Variants in DSCAML1 observed in about 807,000 individuals in gnomAD.
DSCAML1 encodes the protein cell adhesion molecule DSCAML1.
Under a neutral mutation model 200.5 loss-of-function variants are expected in DSCAML1, and 38 were observed. The observed-to-expected ratio is 0.19, with a 90% CI of 0.15 to 0.25. The LOEUF (loss-of-function observed/expected upper bound fraction) is 0.25. Among genes scored for constraint, DSCAML1 ranks in the 10% least tolerant of loss-of-function variants. The pLI, the probability that DSCAML1 is intolerant of heterozygous loss-of-function variation, is 1.00. For missense variants in DSCAML1, 2,223 were observed against 2,858.8 expected (o/e 0.78, Z 5.07); for synonymous variants, 1,215 against 1,165.0 (o/e 1.04, Z -0.87).
intron 3 of DSCAML1, among the ~76,000 whole-genome samples, chr11:117,558,237 C>T (rs944472755): frequency 2.6e-5 from 4 of 152,096 alleles, no homozygotes; most frequent in Non-Finnish European, 2.9e-5. Context: ...ACAGGCACCA[C>T]AGATCCATGA....
At position 117,769,538 on chromosome 11, in the gene DSCAML1, A is replaced by T. The variant is rs377625050; in HGVS notation, c.511+7253T>A. ...TATATATTATATATATTTTATATAT[A>T]TTATATATTTTATATATATATTTTA... On this transcript the variant is annotated intron_variant, in intron 3 of 32. Transcript: ENST00000651296. 9.2e-4 allele frequency among the ~76,000 whole-genome samples: 17 copies of T among 18,448 alleles called. 1 individual carries two copies. Among genetic ancestry groups the T allele is most frequent in the East Asian group, 6.7e-3 (4 of 598 alleles). The allele number at this position is 18,448 out of a possible 152,430, so 12.1% of individuals were successfully genotyped here.
chr11:117,735,590 A>G (rs1005910726), intron 3 of DSCAML1, among the ~76,000 whole-genome samples: 1 of 152,212 alleles, frequency 6.6e-6, no homozygotes. Context: ...CTCCATAGAA[A>G]GAGAGGGAAA....
chr11:117,448,634 T>TG (rs1288916224), intron 20 of DSCAML1, among the ~76,000 whole-genome samples: 33 of 65,132 alleles, frequency 5.1e-4, no homozygotes, highest in African/African-American at 1.3e-3. Context: ...TGTGTGTGTG[T>TG]GTGTGGGGGG....
intron 3 of DSCAML1, among the ~76,000 whole-genome samples, chr11:117,675,276 A>G (rs184659408): frequency 8.5e-5 from 13 of 152,094 alleles, no homozygotes; most frequent in Admixed American, 2.0e-4. Context: ...AACATTTTCA[A>G]ACATACCACA....
chr11:117,509,590 G>C (rs1033073646), intron 8 of DSCAML1, among the ~76,000 whole-genome samples: 1 of 152,194 alleles, frequency 6.6e-6, no homozygotes, highest in Non-Finnish European at 1.5e-5. Flanking sequence ...AGCCTGGAGG[G>C]GGAAGAGAGC....
Position 117,498,902 on chromosome 11 carries a change from C to T in DSCAML1, c.2359+4943G>A, listed in dbSNP as rs1297680213. 1.3e-5 allele frequency among the ~76,000 whole-genome samples: 2 copies of T among 152,218 alleles called. No individual in the cohort carries two copies. Among genetic ancestry groups the T allele is most frequent in the African/African-American group, 2.4e-5 (1 of 41,456 alleles). ...AAGAGCCCTTATGGGTTTAATTGGC[C>T]ATGGGCTTTGTCTAGAACCCAATCA... On this transcript the variant is annotated intron_variant, in intron 11 of 32. Transcript: ENST00000651296. This position sits in a 1 kb window ranked among gnomAD's most constrained non-coding sequence, Gnocchi z 4.0.
rs539020634 is a variant in DSCAML1, at chr11:117,494,212, C to A, written c.2359+9633G>T. 7.9e-4 allele frequency among the ~76,000 whole-genome samples: 120 copies of A among 152,294 alleles called. 1 individual carries two copies. Among genetic ancestry groups the A allele is most frequent in the African/African-American group, 2.4e-3 (99 of 41,560 alleles). The stretch of plus-strand genomic sequence containing the variant: ...TACTTCCAGGTCATTGCTGTGAATA[C>A]CCTAGAGCTGTAAAGGGCCTGAAGT... On this transcript the variant is annotated intron_variant, in intron 11 of 32. Transcript: ENST00000651296.
chr11:117,811,798 C>T (rs1447442773), intron 1 of DSCAML1, among the ~76,000 whole-genome samples: 1 of 152,160 alleles, frequency 6.6e-6, no homozygotes, highest in African/African-American at 2.4e-5. Flanking sequence ...GGATGCCGAG[C>T]TTTAAGTAAC....
intron 3 of DSCAML1, among the ~76,000 whole-genome samples, chr11:117,571,969 T>G (rs491300): frequency 0.21 from 32,326 of 152,114 alleles, 3,476 homozygotes; most frequent in South Asian, 0.33. Context: ...TCCAATGCCA[T>G]GGCAACGTCA....
intron 3 of DSCAML1, among the ~76,000 whole-genome samples, chr11:117,560,035 C>G (rs4936386): frequency 4.0e-5 from 6 of 151,438 alleles, no homozygotes; most frequent in Admixed American, 3.9e-4. Flanking sequence ...TAGACAGGCC[C>G]GGCTGCTGGG....
intron 3 of DSCAML1, among the ~76,000 whole-genome samples, chr11:117,650,647 T>C (rs1160101236): frequency 6.7e-6 from 1 of 149,902 alleles, no homozygotes; most frequent in East Asian, 2.0e-4. Context: ...AGTCATTCTG[T>C]TTAAAGTGTG....
chr11:117,439,118 C>A (rs1436132465), intron 23 of DSCAML1, 135 bp from the exon 24 acceptor site: 1 of 1,353,866 alleles, frequency 7.4e-7, no homozygotes. Context: ...TCTCCTGCCT[C>A]CCCTTCCATG....
chr11:117,677,812 C>G (rs571452956), intron 3 of DSCAML1, among the ~76,000 whole-genome samples: 8 of 152,298 alleles, frequency 5.3e-5, no homozygotes, highest in Non-Finnish European at 1.2e-4. Context: ...AAGGGACTTG[C>G]CCAAGGCTGC....
At chr11:117,774,625 C>A (rs910281325) in intron 3 of DSCAML1, among the ~76,000 whole-genome samples, 1 of 152,128 alleles carries the variant, frequency 6.6e-6, no homozygotes, top group Non-Finnish European at 1.5e-5. Context: ...TGAAGCCATC[C>A]CCACATCAAT....
chr11:117,696,551 G>A (rs1486075483), intron 3 of DSCAML1, among the ~76,000 whole-genome samples: 1 of 152,142 alleles, frequency 6.6e-6, no homozygotes, highest in Non-Finnish European at 1.5e-5. Flanking sequence ...TCTTCCTGGG[G>A]AGGCCGCACT....
intron 3 of DSCAML1, among the ~76,000 whole-genome samples, chr11:117,579,890 T>C (rs1049616539): frequency 6.6e-6 from 1 of 152,222 alleles, no homozygotes; most frequent in Non-Finnish European, 1.5e-5. Context: ...TGTTATCCCA[T>C]GTAAAGGTTT....
At chr11:117,456,671 C>CTTTTTTTTTTTTTTTTTTTTT (rs10661996) in intron 19 of DSCAML1, among the ~76,000 whole-genome samples, 1 of 142,138 alleles carries the variant, frequency 7.0e-6, no homozygotes. Flanking sequence ...GCAGTCATTT[C>CTTTTTTTTTTTTTTTTTTTTT]TTTTTTTTTT....
intron 30 of DSCAML1, 151 bp from the exon 31 acceptor site, chr11:117,431,879 A>C: frequency 5.8e-6 from 4 of 684,444 alleles, no homozygotes; most frequent in Non-Finnish European, 9.1e-6. Context: ...TCCTAACCAC[A>C]TCGCTGTCCC....
rs1565281029 is a variant in DSCAML1, at chr11:117,780,302, A to AAGAAAGAG, written c.364+190_364+191insCTCTTTCT. On this transcript the variant is annotated intron_variant, in intron 2 of 32. Coordinates refer to ENST00000651296, the MANE Select transcript of DSCAML1 (RefSeq NM_020693.4). The surrounding 1 kb of genome is among the most constrained non-coding windows in gnomAD (Gnocchi z 4.8). ...AAAGAAAGAAAGAAAGAAAGAAAGA[A>AAGAAAGAG]AGAGAGAAAGGAGAAAGAAAGGTGT... is the stretch of plus-strand genomic sequence containing the variant. Among the ~76,000 whole-genome samples the AAGAAAGAG allele has an allele frequency of 1.7e-5, 2 of 115,124 alleles. No individual in the cohort carries two copies. The highest frequency in any genetic ancestry group is 3.7e-5 in the Non-Finnish European group (2 of 54,190). The allele number at this position is 115,124 out of a possible 152,430, so 75.5% of individuals were successfully genotyped here. A position where few individuals can be genotyped will look rare whatever the true frequency, so the allele number is the denominator to read the frequency against.
Sources: allele counts gnomAD v4.1 joint callset (sites outside exome capture counted in the v4.1 genomes callset), GRCh38; gene constraint gnomAD v4.1.1; non-coding constraint Gnocchi (gnomAD v3.1); transcripts MANE v1.5; gene names NCBI Gene and HGNC (gene_info 2026-07-23, HGNC 2026-07-21).